TUT7: variants seen among roughly 807,000 people sequenced by gnomAD.
TUT7 encodes the protein terminal uridylyl transferase 7, also known as terminal uridylyltransferase 7.
A neutral mutation model predicts 165.9 loss-of-function variants in TUT7; 33 were observed. The ratio of observed to expected loss-of-function variants is 0.20; its 90% CI spans 0.15 to 0.27. TUT7 has a LOEUF of 0.27. Among genes scored for constraint, TUT7 ranks in the 10% least tolerant of loss-of-function variants. The pLI is 1.00. For missense variants in TUT7, 1,338 were observed against 1,762.3 expected, an observed-to-expected ratio of 0.76 and a Z score of 4.31; for synonymous variants, 552 against 608.1, an observed-to-expected ratio of 0.91 and a Z score of 1.36.
intron 6 of TUT7, among the ~76,000 whole-genome samples, chr9:86,341,769 T>C (rs966121227): frequency 3.9e-5 from 6 of 152,196 alleles, no homozygotes; most frequent in African/African-American, 1.4e-4. Context: ...TTTCGTCTTT[T>C]AGAACTCAGC....
intron 10 of TUT7, among the ~76,000 whole-genome samples, chr9:86,329,146 T>C (rs1830077598): frequency 6.6e-6 from 1 of 152,230 alleles, no homozygotes; most frequent in South Asian, 2.1e-4. Flanking sequence ...GAAAATGGTC[T>C]AGTTGAAAAG....
rs202075901 is a variant in TUT7, at chr9:86,342,172, A to AT, written c.1086+902dup. On this transcript the variant is annotated intron_variant, in intron 6 of 26. Coordinates refer to ENST00000375963, the MANE Select transcript of TUT7 (RefSeq NM_024617.4). The stretch of plus-strand genomic sequence containing the variant: ...GAACCTCTGGGGCCCCAGAATCTGG[A>AT]TTTTTTTTGAGAGAGGTGGGGCTGG... Among the ~76,000 whole-genome samples, 1,204 of 151,840 alleles carry AT rather than the reference A, an allele frequency of 7.9e-3. 21 individuals carry two copies. Among genetic ancestry groups the AT allele is most frequent in the African/African-American group, 0.028 (1,156 of 41,392 alleles).
At chr9:86,343,195 A>G in intron 5 of TUT7, 32 bp from the exon 6 acceptor site, 4 of 1,289,066 alleles carry the variant, frequency 3.1e-6, no homozygotes, top group Non-Finnish European at 4.2e-6. Flanking sequence ...AAAAGTAATA[A>G]ATACAGTAGA....
intron 10 of TUT7, among the ~76,000 whole-genome samples, chr9:86,329,455 AGAGGTTGCAGTGAGCC>A (rs1830101768): frequency 6.6e-6 from 1 of 151,932 alleles, no homozygotes; most frequent in Non-Finnish European, 1.5e-5. Context: ...CCTGGGAGGC[AGAGGTTGCAGTGAGCC>A]GAGATGGTGC....
chr9:86,332,142 G>A (rs1031730211), intron 10 of TUT7, among the ~76,000 whole-genome samples: 4 of 152,082 alleles, frequency 2.6e-5, no homozygotes, highest in African/African-American at 9.7e-5. Context: ...TTTCCTCAAA[G>A]AGCTAAAAGC....
chr9:86,309,249 C>A lies in TUT7; in HGVS notation c.3623G>T (p.Gly1208Val), dbSNP rs752632467. 6.3e-7 allele frequency: 1 copy of A among 1,575,372 alleles called. No homozygotes were observed. Among genetic ancestry groups the A allele is most frequent in the South Asian group, 1.1e-5 (1 of 89,442 alleles). The stretch of plus-strand genomic sequence containing the variant: ...TTGATCAAAAAAATAAATATTCCAG[C>A]CATCAACAAATATTTCAGGTTTCTT... ...GEKKPEIFVDGWNIYFFDQID... is the reference protein window; with the variant it reads ...GEKKPEIFVDVWNIYFFDQID... Residue 1208 changes from glycine (G) to valine (V), a missense_variant, in exon 21 of 27, where the codon GGC (glycine) becomes GTC (valine). By Grantham distance (109) the Gly-to-Val change is moderately radical. Coordinates refer to ENST00000375963, the MANE Select transcript of TUT7 (RefSeq NM_024617.4).
chr9:86,345,181 A>G (rs771956001), intron 4 of TUT7, 27 bp from the exon 5 acceptor site: 1 of 1,590,720 alleles, frequency 6.3e-7, no homozygotes, highest in South Asian at 1.1e-5. Context: ...TTGAGATTAA[A>G]AATGACTTAC....
intron 26 of TUT7, chr9:86,298,830 C>A: frequency 2.0e-6 from 2 of 984,250 alleles, no homozygotes; most frequent in Non-Finnish European, 2.4e-6. Context: ...AAAAGCACTG[C>A]CTAAAAAATG....
chr9:86,329,523 C>CAA (rs56393103), intron 10 of TUT7, among the ~76,000 whole-genome samples: 1 of 132,658 alleles, frequency 7.5e-6, no homozygotes. Context: ...AACTCCATCT[C>CAA]AAAAAAAAAA....
At chr9:86,315,188 C>T (rs181846933) in intron 17 of TUT7, among the ~76,000 whole-genome samples, 1 of 152,312 alleles carries the variant, frequency 6.6e-6, no homozygotes, top group East Asian at 1.9e-4. Context: ...AATAAAATAC[C>T]TGGGGAGACT....
In TUT7 at chr9:86,352,676, T is replaced by C; in HGVS notation, c.520+4A>G. The C allele has an allele frequency of 6.2e-7, 1 of 1,614,210 alleles. No homozygotes were observed. The highest frequency in any genetic ancestry group is 1.1e-5 in the South Asian group (1 of 91,086). ...TTGTGATCTGACAAGTTGGAAAACA[T>C]TACCAGGACTTCCTGCTTCCATTTC... On this transcript the variant is annotated splice_donor_region_variant and intron_variant, in intron 2 of 26. Coordinates refer to ENST00000375963, the MANE Select transcript of TUT7 (RefSeq NM_024617.4).
chr9:86,343,427 T>C (rs1379744325), intron 5 of TUT7, among the ~76,000 whole-genome samples: 9 of 152,206 alleles, frequency 5.9e-5, no homozygotes, highest in Non-Finnish European at 1.2e-4. Context: ...TGCTACGTTA[T>C]CATGTATTTT....
chr9:86,352,416 C>T (rs1242600825), intron 2 of TUT7: 5 of 542,560 alleles, frequency 9.2e-6, no homozygotes, highest in East Asian at 6.4e-5. Context: ...GTAAAAAACA[C>T]GTTACAGAAA....
At position 86,322,972 on chromosome 9, in the gene TUT7, T is replaced by G. The variant is rs777062806; in HGVS notation, c.2778A>C (p.Ile926=). 1 of 1,614,082 alleles carries G rather than the reference T, an allele frequency of 6.2e-7. No individual in the cohort carries two copies. The highest frequency in any genetic ancestry group is 1.7e-5 in the Admixed American group (1 of 59,992). Residue 926 remains isoleucine (I), a synonymous_variant, in exon 13 of 27, where the codon ATA becomes ATC. Coordinates refer to ENST00000375963, the MANE Select transcript of TUT7 (RefSeq NM_024617.4). ...ERALLVELNK[I]SLKEENVCEE... Reference sequence around the variant, plus strand: ...CACATACATTTTCTTCCTTGAGACTTATTTTATTAAGTTCCACTAGGAGAG... The same window carrying G: ...CACATACATTTTCTTCCTTGAGACTGATTTTATTAAGTTCCACTAGGAGAG...
At chr9:86,325,596 T>C in intron 11 of TUT7, 82 bp from the exon 12 acceptor site, 2 of 1,361,180 alleles carry the variant, frequency 1.5e-6, no homozygotes, top group Non-Finnish European at 2.0e-6. Flanking sequence ...AAGCATCAAA[T>C]TAAAAAAATC....
chr9:86,325,961 G>T (rs1233734670), intron 11 of TUT7, among the ~76,000 whole-genome samples: 1 of 152,178 alleles, frequency 6.6e-6, no homozygotes, highest in African/African-American at 2.4e-5. Context: ...TCACTGCCCT[G>T]AGAAGCTACA....
intron 14 of TUT7, among the ~76,000 whole-genome samples, chr9:86,321,325 C>A (rs1269862444): frequency 6.6e-6 from 1 of 151,968 alleles, no homozygotes; most frequent in Non-Finnish European, 1.5e-5. Context: ...CCACTGCACT[C>A]CAGCCTGGGT....
chr9:86,321,357 A>C (rs993291006), intron 14 of TUT7, among the ~76,000 whole-genome samples: 1 of 146,866 alleles, frequency 6.8e-6, no homozygotes, highest in African/African-American at 2.5e-5. Context: ...ACTTTGTCTC[A>C]AAAAAAAAAA....
chr9:86,349,084 T>A (rs1453654794), intron 2 of TUT7, among the ~76,000 whole-genome samples: 2 of 151,730 alleles, frequency 1.3e-5, no homozygotes, highest in Non-Finnish European at 2.9e-5. Flanking sequence ...TTCGAGACCA[T>A]CCTGGCCAAC....
Sources: allele counts gnomAD v4.1 joint callset (sites outside exome capture counted in the v4.1 genomes callset), GRCh38; gene constraint gnomAD v4.1.1; transcripts MANE v1.5; gene names NCBI Gene and HGNC (gene_info 2026-07-23, HGNC 2026-07-21).